Variants in CFAP70 observed in about 807,000 individuals in gnomAD.
CFAP70 encodes cilia- and flagella-associated protein 70.
Under a neutral mutation model 137.6 loss-of-function variants are expected in CFAP70, and 81 were observed. The observed-to-expected ratio is 0.59, with a 90% CI of 0.49 to 0.71. The LOEUF (loss-of-function observed/expected upper bound fraction) is 0.71, where lower values mean the gene tolerates loss of function less well. Ranked by LOEUF, CFAP70 falls within the 30% of genes least tolerant of loss-of-function variation. The pLI is 0.00. For missense variants in CFAP70, 976 were observed against 1,226.7 expected, an observed-to-expected ratio of 0.80 and a Z score of 3.05; for synonymous variants, 382 against 423.6, an observed-to-expected ratio of 0.90 and a Z score of 1.20.
exon 27 of CFAP70, chr10:73,254,023 C>T: frequency 6.2e-7 from 1 of 1,602,570 alleles, no homozygotes; most frequent in Non-Finnish European, 8.5e-7. Context: ...GTGTGTGGAT[C>T]TCTGCAAGCA....
intron 14 of CFAP70, 38 bp downstream of exon 15, chr10:73,298,869 A>G: frequency 6.4e-7 from 1 of 1,572,804 alleles, no homozygotes. Flanking sequence ...CTTGCTCCAT[A>G]AACACCCATG....
At chr10:73,265,064 G>A (rs1337495440) in intron 25 of CFAP70, among the ~76,000 whole-genome samples, 1 of 152,092 alleles carries the variant, frequency 6.6e-6, no homozygotes, top group East Asian at 1.9e-4. Context: ...GGTGGCTCAC[G>A]CCTGTAATCC....
At chr10:73,354,764 C>T (rs1378039934) in exon 2 of CFAP70, 1 of 1,614,072 alleles carries the variant, frequency 6.2e-7, no homozygotes, top group South Asian at 1.1e-5. Flanking sequence ...CGGTGATCTG[C>T]ACGAGTCTGC....
At chr10:73,272,199 G>T (rs1170214359) in intron 24 of CFAP70, among the ~76,000 whole-genome samples, 2 of 152,042 alleles carry the variant, frequency 1.3e-5, no homozygotes, top group Non-Finnish European at 2.9e-5. Context: ...GCCTGGCATG[G>T]TGGTGGGCAC....
intron 13 of CFAP70, among the ~76,000 whole-genome samples, chr10:73,299,380 A>C (rs1026894607): frequency 2.3e-4 from 35 of 152,074 alleles, no homozygotes; most frequent in African/African-American, 7.7e-4. Context: ...GTAATACTTT[A>C]AATGTAAAAT....
exon 24 of CFAP70, chr10:73,272,938 G>A: frequency 6.4e-7 from 1 of 1,552,332 alleles, no homozygotes; most frequent in Non-Finnish European, 8.7e-7. Flanking sequence ...CCGATAGCAG[G>A]CGATTCCCAG....
intron 8 of CFAP70, among the ~76,000 whole-genome samples, chr10:73,328,932 C>T (rs1346961719): frequency 8.0e-5 from 12 of 149,284 alleles, no homozygotes; most frequent in African/African-American, 2.5e-4. Context: ...GTCAGTGTGG[C>T]GATTCCTCAG....
intron 22 of CFAP70, 50 bp from the exon 24 acceptor site, chr10:73,274,644 G>C: frequency 2.8e-6 from 4 of 1,434,842 alleles, no homozygotes; most frequent in Non-Finnish European, 3.8e-6. Context: ...GTATTTAAAA[G>C]TACCTTGATG....
chr10:73,339,994 A>C (rs1161367610), intron 6 of CFAP70, among the ~76,000 whole-genome samples: 1 of 152,214 alleles, frequency 6.6e-6, no homozygotes, highest in African/African-American at 2.4e-5. Flanking sequence ...CTTGTTTCGC[A>C]TCCAGGAAGA....
Position 73,275,327 on chromosome 10 carries a change from G to A in CFAP70, c.2673+119C>T, listed in dbSNP as rs2046633846. 8.3e-7 allele frequency: 1 copy of A among 1,211,718 alleles called. No homozygotes were observed. The highest frequency in any genetic ancestry group is 1.1e-6 in the Non-Finnish European group (1 of 874,014). The allele number at this position is 1,211,718 out of a possible 1,614,324, so 75.1% of individuals were successfully genotyped here. A position where few individuals can be genotyped will look rare whatever the true frequency, so the allele number is the denominator to read the frequency against. ...CAAATGGAAGGGTATAGAGAGATGAGTTTACTGACAGCTGATGACCACCCT... is the reference window on the plus strand; with the variant it reads ...CAAATGGAAGGGTATAGAGAGATGAATTTACTGACAGCTGATGACCACCCT... On this transcript the variant is annotated intron_variant, in intron 22 of 26. Coordinates refer to ENST00000310715, the Ensembl canonical transcript of CFAP70. This position sits in a 1 kb window ranked among gnomAD's most constrained non-coding sequence, Gnocchi z 4.0.
At chr10:73,289,242 C>T (rs1472149060) in intron 19 of CFAP70, among the ~76,000 whole-genome samples, 1 of 152,050 alleles carries the variant, frequency 6.6e-6, no homozygotes, top group Non-Finnish European at 1.5e-5. Context: ...AAGAGACATA[C>T]TTAAACTTTA....
At chr10:73,322,585 A>G (rs902658963) in intron 9 of CFAP70, among the ~76,000 whole-genome samples, 6 of 151,586 alleles carry the variant, frequency 4.0e-5, no homozygotes, top group African/African-American at 1.5e-4. Context: ...AAAAAAAAAA[A>G]AAGTACTCTC....
At chr10:73,354,359 T>C (rs937538636) in intron 2 of CFAP70, among the ~76,000 whole-genome samples, 6 of 152,244 alleles carry the variant, frequency 3.9e-5, no homozygotes, top group Non-Finnish European at 8.8e-5. Context: ...CATTTCATCA[T>C]ATTCCTAATT....
chr10:73,306,671 C>T (rs1485466141), intron 12 of CFAP70, among the ~76,000 whole-genome samples: 1 of 151,936 alleles, frequency 6.6e-6, no homozygotes, highest in Non-Finnish European at 1.5e-5. Flanking sequence ...AGATTGAGAC[C>T]AGCCTGGGAA....
intron 8 of CFAP70, among the ~76,000 whole-genome samples, chr10:73,329,408 T>C (rs2051837139): frequency 6.6e-6 from 1 of 152,028 alleles, no homozygotes; most frequent in Non-Finnish European, 1.5e-5. Context: ...AGTTAATGGG[T>C]GCAGCACACC....
intron 25 of CFAP70, among the ~76,000 whole-genome samples, chr10:73,256,700 G>A (rs181780303): frequency 6.6e-6 from 1 of 151,716 alleles, no homozygotes; most frequent in African/African-American, 2.4e-5. Context: ...TCAGGAGATC[G>A]AGATCATCCT....
At position 73,312,325 on chromosome 10, in the gene CFAP70, C is replaced by G. The variant is rs2049982321; in HGVS notation, c.1083+148G>C. On this transcript the variant is annotated intron_variant, in intron 10 of 26. Coordinates refer to ENST00000310715, the Ensembl canonical transcript of CFAP70. Reference sequence around the variant, plus strand: ...GCACATGTGTACCTATGTAACAAACCTGCACATTCTGCACATGTATCCCAG... The same window carrying G: ...GCACATGTGTACCTATGTAACAAACGTGCACATTCTGCACATGTATCCCAG... 6 of 642,062 alleles carry G rather than the reference C, an allele frequency of 9.3e-6. No homozygotes were observed. The East Asian group carries it at 1.7e-4, about 18-fold the overall frequency. 39.8% of individuals were successfully genotyped at this position (642,062 alleles called of 1,614,324 possible). A position where few individuals can be genotyped will look rare whatever the true frequency, so the allele number is the denominator to read the frequency against.
exon 14 of CFAP70, chr10:73,298,949 A>G: frequency 1.2e-6 from 2 of 1,614,102 alleles, no homozygotes; most frequent in Non-Finnish European, 1.7e-6. Context: ...CAGAGCAATT[A>G]AGTTCATAGC....
chr10:73,269,936 G>A (rs2046106701), intron 24 of CFAP70, among the ~76,000 whole-genome samples: 1 of 152,174 alleles, frequency 6.6e-6, no homozygotes, highest in African/African-American at 2.4e-5. Context: ...CTGAAGCCCT[G>A]CCTAGTAAGC....
Sources: gnomAD v4.1 joint callset for allele counts (sites outside exome capture counted in the v4.1 genomes callset) on GRCh38, gnomAD v4.1.1 for gene constraint, Gnocchi (gnomAD v3.1) non-coding constraint, MANE v1.5 for transcripts, NCBI Gene and HGNC (gene_info 2026-07-23, HGNC 2026-07-21) for gene names.